The following SFI1 variants were observed in gnomAD, a reference collection of about 807,000 sequenced individuals.
SFI1 encodes the protein SFI1 centrin binding protein.
In SFI1, 195 loss-of-function variants were observed where a neutral mutation model predicts 207.5. The observed-to-expected ratio is 0.94, with a 90% CI of 0.84 to 1.06. The LOEUF (loss-of-function observed/expected upper bound fraction) is 1.06, where lower values mean the gene tolerates loss of function less well. SFI1 is among the 50% of genes least tolerant of loss of function. SFI1 has a pLI of 0.00. For missense variants in SFI1, 1,634 were observed against 1,588.0 expected (o/e 1.03, Z -0.49); for synonymous variants, 630 against 598.9 (o/e 1.05, Z -0.76).
At chr22:31,514,852 A>T (rs889124501) in intron 2 of SFI1, among the ~76,000 whole-genome samples, 1 of 151,436 alleles carries the variant, frequency 6.6e-6, no homozygotes, top group Non-Finnish European at 1.5e-5. Context: ...GCTCACTGCA[A>T]CCTCTACCTC....
intron 15 of SFI1, among the ~76,000 whole-genome samples, chr22:31,600,766 T>C (rs934693526): frequency 1.3e-5 from 2 of 152,102 alleles, no homozygotes; most frequent in African/African-American, 4.8e-5. Context: ...ACCTCGCCCG[T>C]GTCCTATCTT....
chr22:31,605,129 C>G lies in SFI1; in HGVS notation c.2054+184C>G, dbSNP rs941479686. 5 of 549,988 alleles carry G rather than the reference C, an allele frequency of 9.1e-6. No individual in the cohort carries two copies. In the African/African-American group the frequency reaches 9.8e-5, roughly 11 times the overall value. The allele number at this position is 549,988 out of a possible 1,614,324, so 34.1% of individuals were successfully genotyped here. On this transcript the variant is annotated intron_variant, in intron 20 of 32. Coordinates refer to ENST00000400288, the MANE Select transcript of SFI1 (RefSeq NM_001007467.3). The stretch of plus-strand genomic sequence containing the variant: ...TTCGCCTTCATGTCTTAAGCCCCTG[C>G]TGTGTGCAGGGCAGGACCTTGGAAA...
chr22:31,512,212 G>A (rs974240515), intron 2 of SFI1, among the ~76,000 whole-genome samples: 2 of 151,742 alleles, frequency 1.3e-5, no homozygotes, highest in African/African-American at 4.8e-5. Flanking sequence ...AAAATTAGCC[G>A]GGTGTGGTGG....
chr22:31,613,908 G>A (rs1055707488), intron 27 of SFI1, 53 bp downstream of exon 27: 53 of 1,530,266 alleles, frequency 3.5e-5, no homozygotes, highest in Middle Eastern at 2.4e-4. Flanking sequence ...CAAAAGGTTG[G>A]ATGGCATAGC....
intron 1 of SFI1, among the ~76,000 whole-genome samples, chr22:31,501,826 ACTGT>A (rs1339594473): frequency 1.3e-5 from 2 of 152,344 alleles, no homozygotes; most frequent in African/African-American, 2.4e-5. Flanking sequence ...GGATGGGTCC[ACTGT>A]CTGTCTGTAG....
intron 3 of SFI1, among the ~76,000 whole-genome samples, chr22:31,529,779 A>C (rs1488690920): frequency 6.6e-6 from 1 of 152,152 alleles, no homozygotes; most frequent in Non-Finnish European, 1.5e-5. Flanking sequence ...GAGGAAGTGG[A>C]GTTTAAGCTC....
chr22:31,615,599 A>T (rs972038214), intron 29 of SFI1: 1 of 285,042 alleles, frequency 3.5e-6, no homozygotes, highest in Admixed American at 5.2e-5. Context: ...CTGGGATTTG[A>T]GAAGAGTAGG....
At chr22:31,580,592 T>G (rs62237796) in intron 12 of SFI1, among the ~76,000 whole-genome samples, 6,639 of 148,474 alleles carry the variant, frequency 0.045, 131 homozygotes, top group African/African-American at 0.051. Context: ...GCCCAGACTG[T>G]AATACAGTGG....
Position 31,613,434 on chromosome 22 carries a change from G to T in SFI1, c.2646G>T (p.Gln882His). Residue 882 changes from glutamine (Q) to histidine (H), a missense_variant, in exon 26 of 33, where the codon CAG (glutamine) becomes CAT (histidine). Coordinates refer to ENST00000400288, the MANE Select transcript of SFI1 (RefSeq NM_001007467.3). ...TGCAGTGGGCGCTCCAGGCCTACCAGGGGCAGCTCCTCCAGGAGGGTGCCA... is the reference window on the plus strand; with the variant it reads ...TGCAGTGGGCGCTCCAGGCCTACCATGGGCAGCTCCTCCAGGAGGGTGCCA... ...ARLQWALQAY[Q>H]GQLLQEGATR... The T allele has an allele frequency of 6.2e-7, 1 of 1,609,224 alleles. No individual in the cohort carries two copies.
chr22:31,537,447 G>T (rs1293650890), intron 4 of SFI1, among the ~76,000 whole-genome samples: 2 of 152,186 alleles, frequency 1.3e-5, no homozygotes, highest in Non-Finnish European at 2.9e-5. Context: ...GCCAGTGACT[G>T]CTAGCTAACC....
chr22:31,575,462 C>G (rs773699585), intron 10 of SFI1, 70 bp downstream of exon 10: 26 of 1,414,062 alleles, frequency 1.8e-5, no homozygotes, highest in Non-Finnish European at 2.4e-5. Context: ...GCATGTGAAA[C>G]GAAAGTCATG....
At chr22:31,553,838 G>A (rs11912035) in intron 6 of SFI1, among the ~76,000 whole-genome samples, 5 of 26,308 alleles carry the variant, frequency 1.9e-4, no homozygotes, top group African/African-American at 6.3e-4. Context: ...AATGGATTAT[G>A]TTTTTTTTTT....
chr22:31,616,497 C>T (rs765774078), intron 29 of SFI1: 80 of 429,640 alleles, frequency 1.9e-4, no homozygotes, highest in African/African-American at 7.2e-4. Flanking sequence ...AGGCGTGAGG[C>T]GGACTGTGGT....
At chr22:31,545,545 T>TTTTAATTTAATTTAA (rs199762639) in intron 4 of SFI1, among the ~76,000 whole-genome samples, 19 of 134,270 alleles carry the variant, frequency 1.4e-4, no homozygotes, top group Non-Finnish European at 2.8e-4. Context: ...GAGATGGAGT[T>TTTTAATTTAATTTAA]TTTAATTTAA....
chr22:31,549,479 C>G (rs2060431097), intron 5 of SFI1, among the ~76,000 whole-genome samples: 1 of 151,728 alleles, frequency 6.6e-6, no homozygotes. Context: ...TCCCTCCTGC[C>G]TCAGCCTCCT....
chr22:31,613,423 C>T lies in SFI1; in HGVS notation c.2635C>T (p.Gln879Ter). The change falls in exon 26 of 33, where the codon CAG (glutamine) becomes TAG (stop). Residue 879 changes from glutamine to a stop codon, truncating the protein, a stop_gained. Transcript: ENST00000400288. LOFTEE classifies it high-confidence loss of function. ...RKKARLQWAL[Q>*]AYQGQLLQEG... Reference sequence around the variant, plus strand: ...GAAGGCGCGGCTGCAGTGGGCGCTCCAGGCCTACCAGGGGCAGCTCCTCCA... The same window carrying T: ...GAAGGCGCGGCTGCAGTGGGCGCTCTAGGCCTACCAGGGGCAGCTCCTCCA... 6.2e-7 allele frequency: 1 copy of T among 1,609,978 alleles called. No individual in the cohort carries two copies.
chr22:31,585,202 T>C, intron 14 of SFI1, 68 bp downstream of exon 14: 2 of 1,410,858 alleles, frequency 1.4e-6, no homozygotes, highest in Non-Finnish European at 2.0e-6. Context: ...TTTGGAAAGA[T>C]TCTTGGAAAA....
chr22:31,594,557 A>C (rs2066770092), intron 15 of SFI1, among the ~76,000 whole-genome samples: 2 of 114,824 alleles, frequency 1.7e-5, no homozygotes, highest in Non-Finnish European at 3.6e-5. Flanking sequence ...CAAAAAAAAA[A>C]AAAAAGAAAA....
chr22:31,611,186 GA>G lies in SFI1; in HGVS notation c.2299del (p.Arg767GlyfsTer134), dbSNP rs2070058307. The G allele has an allele frequency of 6.2e-7, 1 of 1,614,008 alleles. No homozygotes were observed. The highest frequency in any genetic ancestry group is 8.5e-7 in the Non-Finnish European group (1 of 1,180,046). Reference sequence around the variant, plus strand: ...TTCAGCGCTGGTGGGACTGCAGCCGGAGGTCAGCCCAGCAGAGACTGCAGCT... The same window carrying G: ...TTCAGCGCTGGTGGGACTGCAGCCGGGGTCAGCCCAGCAGAGACTGCAGCT... ...WFQRWWDCSR[R>X]SAQQRLQLER... On this transcript the variant is annotated frameshift_variant, in exon 23 of 33. Transcript: ENST00000400288. LOFTEE classifies it high-confidence loss of function.
Sources: gnomAD v4.1 joint callset for allele counts (sites outside exome capture counted in the v4.1 genomes callset) on GRCh38, gnomAD v4.1.1 for gene constraint, MANE v1.5 for transcripts, NCBI Gene and HGNC (gene_info 2026-07-23, HGNC 2026-07-21) for gene names.